SELENOO: variants seen among roughly 807,000 people sequenced by gnomAD.
SELENOO encodes protein adenylyltransferase SelO, mitochondrial.
Under a neutral mutation model 58.7 loss-of-function variants are expected in SELENOO, and 74 were observed. The observed-to-expected ratio is 1.26, with a 90% CI of 1.04 to 1.53. The LOEUF is 1.53. Among genes scored for constraint, SELENOO ranks in the 40% most tolerant of loss-of-function variants. SELENOO has a pLI of 0.00. For missense variants in SELENOO, 1,149 were observed against 970.0 expected, an observed-to-expected ratio of 1.18 and a Z score of -2.45; for synonymous variants, 543 against 453.2, an observed-to-expected ratio of 1.20 and a Z score of -2.52.
At chr22:50,213,949 T>C (rs1031675455) in intron 5 of SELENOO, among the ~76,000 whole-genome samples, 6 of 152,130 alleles carry the variant, frequency 3.9e-5, no homozygotes, top group South Asian at 4.1e-4. Context: ...CTCCCAACCC[T>C]AGATGGTCTA....
Position 50,215,753 on chromosome 22 carries a change from C to T in SELENOO, c.1388C>T (p.Ser463Phe). 1 of 1,610,000 alleles carries T rather than the reference C, an allele frequency of 6.2e-7. No individual in the cohort carries two copies. Residue 463 changes from serine (S) to phenylalanine (F), a missense_variant, in exon 6 of 9, where the codon TCC becomes TTC. Ser to Phe is a radical substitution (Grantham distance 155). Coordinates refer to ENST00000380903, the MANE Select transcript of SELENOO (RefSeq NM_031454.2). ...ACAAACACCTTCTACTTGCTGAGCT[C>T]CTTCCCAGTGGAGCTAGAGTCGCCA... ...DFTNTFYLLS[S>F]FPVELESPGL...
rs1422212432 is a variant in SELENOO, at chr22:50,206,109, C to T, written c.555-208C>T. ...AGGCCCATTTTTACCAGAGGCTGTGCCGACAACCTGCTGGGCTGTGAGGTT... is the reference window on the plus strand; with the variant it reads ...AGGCCCATTTTTACCAGAGGCTGTGTCGACAACCTGCTGGGCTGTGAGGTT... On this transcript the variant is annotated intron_variant, in intron 1 of 8. Coordinates refer to ENST00000380903, the MANE Select transcript of SELENOO (RefSeq NM_031454.2). The T allele has an allele frequency of 6.7e-6, 4 of 598,396 alleles. No homozygotes were observed. In the East Asian group the frequency reaches 1.1e-4, roughly 17 times the overall value. The allele number at this position is 598,396 out of a possible 1,614,324, so 37.1% of individuals were successfully genotyped here.
chr22:50,201,548 G>T lies in SELENOO; in HGVS notation c.512G>T (p.Trp171Leu). The change falls in exon 1 of 9, where the codon TGG (tryptophan) becomes TTG (leucine). Residue 171 changes from tryptophan to leucine, a missense_variant. By Grantham distance (61) the Trp-to-Leu change is moderately conservative (BLOSUM62 -2). Coordinates refer to ENST00000380903, the MANE Select transcript of SELENOO (RefSeq NM_031454.2). ...GTGTGCACGGCGACCGGCGAGCGCT[G>T]GGAGCTGCAGCTCAAGGGCGCCGGG... Reference protein sequence around the residue: ...GEVCTATGERWELQLKGAGPT... With the variant: ...GEVCTATGERLELQLKGAGPT... 1 of 1,385,092 alleles carries T rather than the reference G, an allele frequency of 7.2e-7. No individual in the cohort carries two copies. The highest frequency in any genetic ancestry group is 1.5e-5 in the African/African-American group (1 of 66,648). 85.8% of individuals were successfully genotyped at this position (1,385,092 alleles called of 1,614,324 possible).
At chr22:50,210,540 C>T (rs2064362036) in intron 4 of SELENOO, 91 bp from the exon 5 acceptor site, 2 of 1,575,420 alleles carry the variant, frequency 1.3e-6, no homozygotes, top group South Asian at 1.1e-5. Context: ...CCACTTGGGA[C>T]CTTCCCCTGG....
chr22:50,213,734 A>G (rs112527142), intron 5 of SELENOO, among the ~76,000 whole-genome samples: 5,366 of 151,030 alleles, frequency 0.036, 318 homozygotes, highest in African/African-American at 0.12. Context: ...TGCAAGCTCC[A>G]CCTCCCAGGT....
chr22:50,208,495 G>C, intron 2 of SELENOO, 41 bp from the exon 3 acceptor site: 6 of 1,578,220 alleles, frequency 3.8e-6, no homozygotes, highest in Non-Finnish European at 5.2e-6. Context: ...AAGGGGCTGG[G>C]GTCAGGTTTG....
chr22:50,217,038 CG>C lies in SELENOO; in HGVS notation c.1756del (p.Val586Ter), dbSNP rs761806432. ...AAAWQAEHVR[V>X]MHANNPKYVL... ...CCGCCTGGCAGGCTGAGCACGTGCG[CG>C]TGATGCACGCCAACAACCCGAAGTA... On this transcript the variant is annotated frameshift_variant, in exon 8 of 9. Coordinates refer to ENST00000380903, the MANE Select transcript of SELENOO (RefSeq NM_031454.2). LOFTEE classifies it high-confidence loss of function. The C allele has an allele frequency of 1.2e-6, 2 of 1,612,332 alleles. No homozygotes were observed. Among genetic ancestry groups the C allele is most frequent in the African/African-American group, 2.7e-5 (2 of 75,066 alleles).
chr22:50,217,406 A>C lies in SELENOO; in HGVS notation c.*37A>C, dbSNP rs752210189. 1.4e-5 allele frequency: 22 copies of C among 1,604,706 alleles called. No individual in the cohort carries two copies. In the South Asian group the frequency reaches 2.1e-4, roughly 15 times the overall value. ...CGCTCCACACCCCTGGAGTCTCCCG[A>C]GGCCCCCATGTGCTGCTGAGTGGCC... On this transcript the variant is annotated 3_prime_UTR_variant, in exon 9 of 9. Transcript: ENST00000380903.
chr22:50,216,521 C>T (rs766194549), intron 6 of SELENOO, among the ~76,000 whole-genome samples, 170 bp from the exon 7 acceptor site: 10 of 152,230 alleles, frequency 6.6e-5, no homozygotes, highest in Non-Finnish European at 1.5e-4. Flanking sequence ...GGTGTGTGCC[C>T]ACTGGGGTCC....
chr22:50,205,940 G>A (rs2064330129), intron 1 of SELENOO: 1 of 262,166 alleles, frequency 3.8e-6, no homozygotes, highest in Non-Finnish European at 7.4e-6. Flanking sequence ...CCCGTACCGG[G>A]GCACCCATCC....
At position 50,206,221 on chromosome 22, in the gene SELENOO, T is replaced by TTA; in HGVS notation, c.555-95_555-94dup. The TTA allele has an allele frequency of 7.3e-6, 8 of 1,096,594 alleles. No individual in the cohort carries two copies. In the South Asian group the frequency reaches 9.6e-5, roughly 13 times the overall value. The allele number at this position is 1,096,594 out of a possible 1,614,324, so 67.9% of individuals were successfully genotyped here. Reference sequence around the variant, plus strand: ...TTCAGGGACGTGCAAGCTGCTCACGTTACACGCGTTCCCTCCTTTCCATGT... The same window carrying TTA: ...TTCAGGGACGTGCAAGCTGCTCACGTTATACACGCGTTCCCTCCTTTCCATGT... On this transcript the variant is annotated intron_variant, in intron 1 of 8. Transcript: ENST00000380903.
At chr22:50,215,648 GTC>G (rs1569104974) in intron 5 of SELENOO, 67 bp from the exon 6 acceptor site, 4 of 1,065,100 alleles carry the variant, frequency 3.8e-6, no homozygotes, top group East Asian at 3.0e-5. Context: ...GGGGGGGGGG[GTC>G]TGTGTGGCAC....
At position 50,208,846 on chromosome 22, in the gene SELENOO, G is replaced by A. The variant is rs918159615; in HGVS notation, c.939+130G>A. On this transcript the variant is annotated intron_variant, in intron 3 of 8. Transcript: ENST00000380903. ...CCTCCCCGCCCTTCTCTGAGCTCCC[G>A]CTCCTGTCCGCAAACCCCATCATGT... 45 of 838,082 alleles carry A rather than the reference G, an allele frequency of 5.4e-5. 1 individual carries two copies. In the Middle Eastern group the frequency reaches 1.4e-3, roughly 26 times the overall value. 51.9% of individuals were successfully genotyped at this position (838,082 alleles called of 1,614,324 possible).
intron 5 of SELENOO, among the ~76,000 whole-genome samples, chr22:50,214,132 T>C (rs2064390225): frequency 6.6e-6 from 1 of 152,228 alleles, no homozygotes; most frequent in Non-Finnish European, 1.5e-5. Context: ...TATATAATGC[T>C]GTCTCTTGTA....
In SELENOO at chr22:50,208,680, C is replaced by T. The variant is rs551178705; in HGVS notation, c.903C>T (p.Ser301=). 20 of 1,613,532 alleles carry T rather than the reference C, an allele frequency of 1.2e-5. No homozygotes were observed. The highest frequency in any genetic ancestry group is 2.2e-5 in the South Asian group (2 of 91,082). The part of the protein sequence containing the change: ...FYPEIQAAHA[S]DSVQRNAAFF... ...CCGAGATCCAGGCTGCTCATGCCAGCGACAGCGTGCAGAGAAATGCTGCCT... is the reference window on the plus strand; with the variant it reads ...CCGAGATCCAGGCTGCTCATGCCAGTGACAGCGTGCAGAGAAATGCTGCCT... Residue 301 remains serine (S), a synonymous_variant, in exon 3 of 9, where the codon AGC becomes AGT. Transcript: ENST00000380903.
chr22:50,214,874 T>A (rs1299849485), intron 5 of SELENOO, among the ~76,000 whole-genome samples: 1 of 152,244 alleles, frequency 6.6e-6, no homozygotes, highest in African/African-American at 2.4e-5. Flanking sequence ...TTCGTGTCTT[T>A]GAACGTCTTG....
At chr22:50,206,728 G>C (rs902920120) in intron 2 of SELENOO, among the ~76,000 whole-genome samples, 1 of 152,212 alleles carries the variant, frequency 6.6e-6, no homozygotes, top group Non-Finnish European at 1.5e-5. Context: ...TGAGTGCAAA[G>C]GCATTTGGTA....
chr22:50,212,437 G>A lies in SELENOO; in HGVS notation c.1351+1526G>A, dbSNP rs543626367. On this transcript the variant is annotated intron_variant, in intron 5 of 8. Coordinates refer to ENST00000380903, the MANE Select transcript of SELENOO (RefSeq NM_031454.2). The stretch of plus-strand genomic sequence containing the variant: ...AGGTAATTTTGGCATATAATTGTTC[G>A]TAGCAGTTTTTTACAATTTCATTGT... Among the ~76,000 whole-genome samples the A allele has an allele frequency of 1.5e-3, 225 of 152,226 alleles. 1 individual carries two copies. Among genetic ancestry groups the A allele is most frequent in the Non-Finnish European group, 2.4e-3 (166 of 68,018 alleles).
chr22:50,212,850 T>C (rs1189399589), intron 5 of SELENOO, among the ~76,000 whole-genome samples: 2 of 152,156 alleles, frequency 1.3e-5, no homozygotes, highest in Non-Finnish European at 2.9e-5. Context: ...CTTCAGTCTA[T>C]TGTCTCCCTC....
Sources: gnomAD v4.1 joint callset for allele counts (sites outside exome capture counted in the v4.1 genomes callset) on GRCh38, gnomAD v4.1.1 for gene constraint, MANE v1.5 for transcripts, NCBI Gene and HGNC (gene_info 2026-07-23, HGNC 2026-07-21) for gene names.